SLC2A13: variants seen among roughly 807,000 people sequenced by gnomAD.
The protein encoded by SLC2A13 is solute carrier family 2 member 13.
A neutral mutation model predicts 64.4 loss-of-function variants in SLC2A13; 32 were observed. The observed-to-expected ratio is 0.50, with a 90% CI of 0.37 to 0.67. SLC2A13 has a LOEUF of 0.67. Ranked by LOEUF, SLC2A13 falls within the 30% of genes least tolerant of loss-of-function variation. SLC2A13 has a pLI of 0.00. For synonymous variants in SLC2A13, 338 were observed against 327.1 expected (o/e 1.03, Z -0.36); for missense variants, 743 against 829.2 (o/e 0.90, Z 1.28).
intron 7 of SLC2A13, among the ~76,000 whole-genome samples, chr12:39,791,064 G>T (rs1277039227): frequency 7.1e-6 from 1 of 140,746 alleles, no homozygotes; most frequent in East Asian, 2.2e-4. Flanking sequence ...TTTTGATGGG[G>T]TTGTTTGTTT....
intron 7 of SLC2A13, among the ~76,000 whole-genome samples, chr12:39,767,118 T>C (rs547049652): frequency 6.6e-6 from 1 of 152,200 alleles, no homozygotes; most frequent in South Asian, 2.1e-4. Context: ...ATGGCAGCTA[T>C]GGCCTTATGA....
intron 4 of SLC2A13, among the ~76,000 whole-genome samples, chr12:39,888,813 T>C (rs1592244110): frequency 6.6e-6 from 1 of 152,216 alleles, no homozygotes; most frequent in East Asian, 1.9e-4. Flanking sequence ...TATTAATAAC[T>C]GATGCAACTT....
At chr12:39,989,070 TGTCA>T (rs1317617593) in intron 3 of SLC2A13, among the ~76,000 whole-genome samples, 1 of 152,184 alleles carries the variant, frequency 6.6e-6, no homozygotes, top group Non-Finnish European at 1.5e-5. Flanking sequence ...AAGTCTGCTG[TGTCA>T]GTCCTCTACT....
At position 39,760,030 on chromosome 12, in the gene SLC2A13, T is replaced by C. The variant is rs769851596; in HGVS notation, c.1943A>G (p.Glu648Gly). The C allele has an allele frequency of 6.2e-7, 1 of 1,610,590 alleles. No homozygotes were observed. ...AAATATATGAGCAGCTGAAAATTAT[T>C]CCACATCAGAAGCATCATTGTCAGA... ...HLSDNDASDV[E>G] Residue 648 changes from glutamate to glycine, a missense_variant, in exon 10 of 10, where the codon GAA (glutamate) becomes GGA (glycine). This residue lies in a region of SLC2A13 where 295 missense variants were observed against 381.7 expected (regional missense o/e 0.77). Coordinates refer to ENST00000280871, the MANE Select transcript of SLC2A13 (RefSeq NM_052885.4).
At chr12:39,817,842 C>G (rs1354582370) in intron 7 of SLC2A13, among the ~76,000 whole-genome samples, 5 of 152,068 alleles carry the variant, frequency 3.3e-5, no homozygotes, top group African/African-American at 4.8e-5. Context: ...GTTCCTTGAC[C>G]AGCAAAGAGA....
At chr12:39,873,812 G>A (rs1244244215) in intron 4 of SLC2A13, among the ~76,000 whole-genome samples, 1 of 152,092 alleles carries the variant, frequency 6.6e-6, no homozygotes, top group African/African-American at 2.4e-5. Context: ...AGTATTTTAG[G>A]TACTTAAGTT....
At position 39,896,374 on chromosome 12, in the gene SLC2A13, A is replaced by ATG. The variant is rs2136000184; in HGVS notation, c.1035-24414_1035-24413insCA. Reference sequence around the variant, plus strand: ...TATGTATATGTGTATATATGTATACATATATGTATGTATATGTGTATATAT... The same window carrying ATG: ...TATGTATATGTGTATATATGTATACATGTATATGTATGTATATGTGTATATAT... On this transcript the variant is annotated intron_variant, in intron 4 of 9. Coordinates refer to ENST00000280871, the MANE Select transcript of SLC2A13 (RefSeq NM_052885.4). Among the ~76,000 whole-genome samples the ATG allele has an allele frequency of 2.3e-5, 3 of 132,102 alleles. No homozygotes were observed. In the South Asian group the frequency reaches 7.1e-4, roughly 31 times the overall value. 86.7% of individuals were successfully genotyped at this position (132,102 alleles called of 152,430 possible). A position where few individuals can be genotyped will look rare whatever the true frequency, so the allele number is the denominator to read the frequency against.
intron 1 of SLC2A13, among the ~76,000 whole-genome samples, chr12:40,064,212 T>G (rs963350341): frequency 6.6e-6 from 1 of 152,082 alleles, no homozygotes; most frequent in Non-Finnish European, 1.5e-5. Context: ...TCCACTGTAC[T>G]CCAGCCTGGG....
At chr12:39,786,372 A>ACCATGATTCTGAGGCCTTCCCAG (rs1566787797) in intron 7 of SLC2A13, among the ~76,000 whole-genome samples, 1 of 149,998 alleles carries the variant, frequency 6.7e-6, no homozygotes, top group Non-Finnish European at 1.5e-5. Flanking sequence ...TTCATCTCCC[A>ACCATGATTCTGAGGCCTTCCCAG]CCATGATTCT....
intron 6 of SLC2A13, among the ~76,000 whole-genome samples, chr12:39,835,453 A>T (rs185337716): frequency 3.7e-4 from 56 of 152,288 alleles, no homozygotes; most frequent in Non-Finnish European, 5.6e-4. Flanking sequence ...TTACATTTAT[A>T]AGAGAAATGA....
At chr12:39,961,365 C>T (rs540677096) in intron 3 of SLC2A13, among the ~76,000 whole-genome samples, 18 of 152,240 alleles carry the variant, frequency 1.2e-4, no homozygotes, top group African/African-American at 4.3e-4. Flanking sequence ...AGGCATGAGC[C>T]ACCACGCCTG....
At chr12:39,859,981 C>G (rs919217661) in intron 6 of SLC2A13, among the ~76,000 whole-genome samples, 3 of 152,082 alleles carry the variant, frequency 2.0e-5, no homozygotes, top group African/African-American at 7.2e-5. Context: ...CCTAATTGTA[C>G]AAGTCATCTT....
intron 6 of SLC2A13, chr12:39,835,533 T>A (rs1942982222): frequency 6.6e-6 from 1 of 151,990 alleles, no homozygotes; most frequent in Non-Finnish European, 1.5e-5. Context: ...TAAAATGGAG[T>A]TCTCCTTATT....
intron 7 of SLC2A13, among the ~76,000 whole-genome samples, chr12:39,796,669 C>T (rs1478305832): frequency 2.0e-5 from 3 of 152,082 alleles, no homozygotes; most frequent in Admixed American, 2.0e-4. Flanking sequence ...TTGTGCTGTA[C>T]AGCCAGCAAA....
intron 4 of SLC2A13, among the ~76,000 whole-genome samples, chr12:39,889,961 A>T (rs1944563416): frequency 6.6e-6 from 1 of 152,082 alleles, no homozygotes; most frequent in Admixed American, 6.6e-5. Context: ...CTTTCAACTA[A>T]TCTCTGGCCA....
rs1264424253 is a variant in SLC2A13, at chr12:39,956,553, GGATAAGAAAAAAAAT to G, written c.926-5203_926-5189del. ...GTCAGGAAGGCTGACATGGTGAACT[GGATAAGAAAAAAAAT>G]TCAATATTCAAAGAGCATGATATTC... On this transcript the variant is annotated intron_variant, in intron 3 of 9. Coordinates refer to ENST00000280871, the MANE Select transcript of SLC2A13 (RefSeq NM_052885.4). Among the ~76,000 whole-genome samples the G allele has an allele frequency of 2.0e-5, 3 of 152,138 alleles. No homozygotes were observed. In the East Asian group the frequency reaches 5.8e-4, roughly 29 times the overall value.
At chr12:39,793,845 T>C (rs1296728861) in intron 7 of SLC2A13, among the ~76,000 whole-genome samples, 1 of 152,022 alleles carries the variant, frequency 6.6e-6, no homozygotes, top group East Asian at 1.9e-4. Context: ...TCCCAGAACA[T>C]TATCTTGAAC....
chr12:39,892,986 T>A (rs1266071004), intron 4 of SLC2A13, among the ~76,000 whole-genome samples: 2 of 152,164 alleles, frequency 1.3e-5, no homozygotes, highest in Non-Finnish European at 2.9e-5. Context: ...ATTTAAAAAA[T>A]TTTTTGATGT....
chr12:40,009,020 A>C (rs1304510964), intron 3 of SLC2A13, among the ~76,000 whole-genome samples: 1 of 152,250 alleles, frequency 6.6e-6, no homozygotes, highest in Non-Finnish European at 1.5e-5. Flanking sequence ...GATCTGACTC[A>C]AATCAACTCA....
Sources: allele counts gnomAD v4.1 joint callset (sites outside exome capture counted in the v4.1 genomes callset), GRCh38; gene constraint gnomAD v4.1.1; regional missense constraint gnomAD v4.1.1; transcripts MANE v1.5; gene names NCBI Gene and HGNC (gene_info 2026-07-23, HGNC 2026-07-21).